Variants in XKR4 observed in about 807,000 individuals in gnomAD.
XKR4 encodes the protein XK related 4.
XKR4 carries 12 observed loss-of-function variants against 53.9 expected under a neutral mutation model. The observed-to-expected ratio is 0.22, with a 90% CI of 0.14 to 0.36. XKR4 has a LOEUF of 0.36. Ranked by LOEUF, XKR4 falls within the 10% of genes least tolerant of loss-of-function variation. XKR4 has a pLI of 1.00. For synonymous variants in XKR4, 354 were observed against 362.4 expected (o/e 0.98, Z 0.26); for missense variants, 799 against 859.5 (o/e 0.93, Z 0.88).
At chr8:55,174,818 G>A (rs1483820744) in intron 1 of XKR4, among the ~76,000 whole-genome samples, 3 of 152,132 alleles carry the variant, frequency 2.0e-5, no homozygotes, top group African/African-American at 4.8e-5. Context: ...GGACTGATTC[G>A]GTGGCACCAG....
At chr8:55,473,868 A>T (rs1390498023) in intron 2 of XKR4, among the ~76,000 whole-genome samples, 1 of 118,182 alleles carries the variant, frequency 8.5e-6, no homozygotes, top group Admixed American at 9.4e-5. Context: ...CTCTCTCCCC[A>T]CCCCACCTTC....
chr8:55,484,478 C>T (rs2129401551), intron 2 of XKR4, among the ~76,000 whole-genome samples: 1 of 152,292 alleles, frequency 6.6e-6, no homozygotes, highest in Middle Eastern at 3.4e-3. Context: ...ACACCATAAC[C>T]AAGCAGGGTT....
At chr8:55,236,762 C>T (rs1157550062) in intron 1 of XKR4, among the ~76,000 whole-genome samples, 1 of 152,148 alleles carries the variant, frequency 6.6e-6, no homozygotes, top group Non-Finnish European at 1.5e-5. Context: ...CCACATCTCA[C>T]CTGAAATATT....
Position 55,286,730 on chromosome 8 carries a change from G to T in XKR4, c.807-70948G>T, listed in dbSNP as rs145824054. 2.6e-3 allele frequency among the ~76,000 whole-genome samples: 400 copies of T among 152,282 alleles called. 3 individuals carry two copies. The highest frequency in any genetic ancestry group is 9.3e-3 in the African/African-American group (385 of 41,542). On this transcript the variant is annotated intron_variant, in intron 1 of 2. Coordinates refer to ENST00000327381, the MANE Select transcript of XKR4 (RefSeq NM_052898.2). ...CTGTGCCCTTTTCCTCTTTTTATGG[G>T]ATCTCATAGCTTTTAAGTTCATTCC...
intron 1 of XKR4, among the ~76,000 whole-genome samples, chr8:55,184,549 T>C (rs1025113866): frequency 2.0e-5 from 3 of 152,174 alleles, no homozygotes; most frequent in Non-Finnish European, 4.4e-5. Flanking sequence ...ACAATGGAAG[T>C]TGTGTATTTT....
chr8:55,110,080 G>C (rs1271965141), intron 1 of XKR4, among the ~76,000 whole-genome samples: 1 of 152,144 alleles, frequency 6.6e-6, no homozygotes, highest in Non-Finnish European at 1.5e-5. Flanking sequence ...ACCTATGGAA[G>C]CAAGACCAGA....
chr8:55,343,599 A>G (rs1803589282), intron 1 of XKR4, among the ~76,000 whole-genome samples: 1 of 152,172 alleles, frequency 6.6e-6, no homozygotes, highest in Non-Finnish European at 1.5e-5. Flanking sequence ...CTCTCCTCCC[A>G]GAATCTTGCT....
chr8:55,178,754 G>C (rs555880615), intron 1 of XKR4, among the ~76,000 whole-genome samples: 1 of 152,214 alleles, frequency 6.6e-6, no homozygotes. Flanking sequence ...ACCAGAGTTG[G>C]AAAAACCTTT....
chr8:55,125,568 A>C (rs59801233), intron 1 of XKR4, among the ~76,000 whole-genome samples: 4 of 152,046 alleles, frequency 2.6e-5, no homozygotes, highest in Non-Finnish European at 5.9e-5. Flanking sequence ...ATTGCCCATT[A>C]ATATGGTAAA....
At chr8:55,350,187 A>T (rs1803705966) in intron 1 of XKR4, among the ~76,000 whole-genome samples, 1 of 152,226 alleles carries the variant, frequency 6.6e-6, no homozygotes, top group Admixed American at 6.5e-5. Context: ...AAATAACACA[A>T]TGCTGTATAT....
chr8:55,255,842 T>C (rs1437737177), intron 1 of XKR4, among the ~76,000 whole-genome samples: 1 of 152,026 alleles, frequency 6.6e-6, no homozygotes, highest in African/African-American at 2.4e-5. Context: ...TGAGTGTCCG[T>C]TGTCTGCCAG....
chr8:55,450,555 G>A (rs1805422438), intron 2 of XKR4: 2 of 697,956 alleles, frequency 2.9e-6, no homozygotes, highest in Non-Finnish European at 5.3e-6. Flanking sequence ...CGGGACACGT[G>A]GTGGTAGCCG....
At chr8:55,186,930 A>G (rs1338440508) in intron 1 of XKR4, among the ~76,000 whole-genome samples, 1 of 152,150 alleles carries the variant, frequency 6.6e-6, no homozygotes, top group African/African-American at 2.4e-5. Flanking sequence ...ATGAGCTATG[A>G]TTACTAAAGA....
At chr8:55,329,523 A>G (rs926268385) in intron 1 of XKR4, among the ~76,000 whole-genome samples, 2 of 152,120 alleles carry the variant, frequency 1.3e-5, no homozygotes, top group African/African-American at 4.8e-5. Context: ...TTCTACATGG[A>G]CTAAGTTTCA....
chr8:55,289,563 AGGAAGGAG>A (rs1563316324), intron 1 of XKR4, among the ~76,000 whole-genome samples: 1 of 83,150 alleles, frequency 1.2e-5, no homozygotes, highest in Admixed American at 1.3e-4. Context: ...GAAGGAAGGA[AGGAAGGAG>A]AGAGAAAGGA....
At chr8:55,411,598 G>A (rs1306888371) in intron 2 of XKR4, among the ~76,000 whole-genome samples, 6 of 152,162 alleles carry the variant, frequency 3.9e-5, no homozygotes, top group South Asian at 2.1e-4. Context: ...CCCAAAACAC[G>A]TTGTGGAAAA....
chr8:55,375,161 C>T (rs906425424), intron 2 of XKR4, among the ~76,000 whole-genome samples: 2 of 152,186 alleles, frequency 1.3e-5, no homozygotes, highest in East Asian at 1.9e-4. Flanking sequence ...TGTGACTTCA[C>T]GACACTGAGC....
chr8:55,279,725 C>T (rs1476243144), intron 1 of XKR4, among the ~76,000 whole-genome samples: 2 of 152,140 alleles, frequency 1.3e-5, no homozygotes, highest in African/African-American at 2.4e-5. Flanking sequence ...GCCCGTCAGC[C>T]AGGGCACACA....
At chr8:55,326,489 G>T (rs57951849) in intron 1 of XKR4, among the ~76,000 whole-genome samples, 5,132 of 63,388 alleles carry the variant, frequency 0.081, 306 homozygotes, top group African/African-American at 0.22. Context: ...TTTTTTTTTG[G>T]AAACAGAGTT....
Sources: gnomAD v4.1 joint callset for allele counts (sites outside exome capture counted in the v4.1 genomes callset) on GRCh38, gnomAD v4.1.1 for gene constraint, MANE v1.5 for transcripts, NCBI Gene and HGNC (gene_info 2026-07-23, HGNC 2026-07-21) for gene names.